Variants in CNTNAP5 observed in about 807,000 individuals in gnomAD.
The protein encoded by CNTNAP5 is contactin-associated protein-like 5.
CNTNAP5 carries 72 observed loss-of-function variants against 150.2 expected under a neutral mutation model. That is an observed-to-expected ratio of 0.48 (90% CI 0.40 to 0.58). CNTNAP5 has a LOEUF of 0.58. Ranked by LOEUF, CNTNAP5 falls within the 20% of genes least tolerant of loss-of-function variation. The pLI, the probability that CNTNAP5 is intolerant of heterozygous loss-of-function variation, is 0.00. For missense variants in CNTNAP5, 1,636 were observed against 1,626.2 expected (o/e 1.01, Z -0.10); for synonymous variants, 672 against 619.8 (o/e 1.08, Z -1.25).
chr2:124,648,472 G>A (rs1165843607), intron 13 of CNTNAP5, among the ~76,000 whole-genome samples: 1 of 152,170 alleles, frequency 6.6e-6, no homozygotes, highest in Non-Finnish European at 1.5e-5. Context: ...TTCATGGCAT[G>A]AACGGAGCCT....
At chr2:124,495,502 C>T (rs1336792051) in intron 7 of CNTNAP5, among the ~76,000 whole-genome samples, 1 of 152,190 alleles carries the variant, frequency 6.6e-6, no homozygotes. Context: ...GGTGCCTGTG[C>T]ATAGGCAGCT....
At chr2:124,837,645 G>A (rs908323906) in intron 19 of CNTNAP5, among the ~76,000 whole-genome samples, 3 of 152,194 alleles carry the variant, frequency 2.0e-5, no homozygotes, top group African/African-American at 7.2e-5. Context: ...TTATCATCGA[G>A]CAAAAGTGAT....
intron 1 of CNTNAP5, among the ~76,000 whole-genome samples, chr2:124,056,588 A>G (rs1346670208): frequency 6.6e-6 from 1 of 152,106 alleles, no homozygotes; most frequent in African/African-American, 2.4e-5. Flanking sequence ...GGAGCTTGCA[A>G]TGAGCCGAGA....
chr2:124,462,350 A>G (rs1001676602), intron 6 of CNTNAP5, among the ~76,000 whole-genome samples: 4 of 152,146 alleles, frequency 2.6e-5, no homozygotes, highest in Non-Finnish European at 5.9e-5. Flanking sequence ...TAAATTTAAG[A>G]TTATTGTGAT....
chr2:124,653,938 A>G (rs998224831), intron 13 of CNTNAP5, among the ~76,000 whole-genome samples: 3 of 115,836 alleles, frequency 2.6e-5, no homozygotes, highest in Non-Finnish European at 5.3e-5. Flanking sequence ...CACACACACA[A>G]TCAGTGCATG....
At chr2:124,175,654 C>A (rs926255043) in intron 1 of CNTNAP5, among the ~76,000 whole-genome samples, 1 of 152,096 alleles carries the variant, frequency 6.6e-6, no homozygotes, top group African/African-American at 2.4e-5. Context: ...CAATGTTTAG[C>A]CCCCACTTAT....
At chr2:124,319,570 C>A (rs1050096478) in intron 3 of CNTNAP5, among the ~76,000 whole-genome samples, 1 of 152,150 alleles carries the variant, frequency 6.6e-6, no homozygotes, top group Non-Finnish European at 1.5e-5. Flanking sequence ...GTCATAGACT[C>A]CTTTTAGAAA....
At chr2:124,507,779 C>T (rs1008044891) in intron 8 of CNTNAP5, among the ~76,000 whole-genome samples, 1 of 152,188 alleles carries the variant, frequency 6.6e-6, no homozygotes, top group Non-Finnish European at 1.5e-5. Flanking sequence ...TCTTTTGGAA[C>T]AGCCCTCTCA....
intron 13 of CNTNAP5, among the ~76,000 whole-genome samples, chr2:124,669,947 C>A (rs1678775672): frequency 6.6e-6 from 1 of 152,138 alleles, no homozygotes; most frequent in Admixed American, 6.5e-5. Context: ...TATAGAGGGA[C>A]AAACTGCTCA....
chr2:124,704,302 G>C (rs538518495), intron 13 of CNTNAP5, among the ~76,000 whole-genome samples: 1 of 152,280 alleles, frequency 6.6e-6, no homozygotes, highest in Non-Finnish European at 1.5e-5. Flanking sequence ...TGGACAAGTA[G>C]ATCAGCCTTG....
intron 21 of CNTNAP5, 67 bp from the exon 22 acceptor site, chr2:124,902,815 G>T: frequency 2.7e-6 from 3 of 1,092,536 alleles, no homozygotes; most frequent in Non-Finnish European, 4.0e-6. Flanking sequence ...TACTCAAAGA[G>T]GACCCAGCAT....
At chr2:124,563,015 T>C (rs1431264679) in intron 10 of CNTNAP5, among the ~76,000 whole-genome samples, 1 of 152,242 alleles carries the variant, frequency 6.6e-6, no homozygotes, top group Non-Finnish European at 1.5e-5. Context: ...CATTGCGCAG[T>C]AATGCAAGGT....
chr2:124,259,814 G>A (rs1336930960), intron 3 of CNTNAP5, among the ~76,000 whole-genome samples: 8 of 152,150 alleles, frequency 5.3e-5, no homozygotes, highest in Admixed American at 1.3e-4. Flanking sequence ...TGCAAGGGAT[G>A]TGAAGGACCT....
chr2:124,655,933 GAGAGAGAGAGAGAGAA>G (rs1375782768), intron 13 of CNTNAP5, among the ~76,000 whole-genome samples: 7 of 62,808 alleles, frequency 1.1e-4, no homozygotes, highest in African/African-American at 3.9e-4. Flanking sequence ...AAGAGAGAGA[GAGAGAGAGAGAGAGAA>G]AGAAAGAAAG....
At chr2:124,264,785 G>T (rs528190731) in intron 3 of CNTNAP5, among the ~76,000 whole-genome samples, 1 of 152,276 alleles carries the variant, frequency 6.6e-6, no homozygotes, top group African/African-American at 2.4e-5. Context: ...AGCAGCTCTG[G>T]TCATTCCTGA....
At chr2:124,242,566 T>C in intron 3 of CNTNAP5, 173 bp downstream of exon 3, 1 of 574,170 alleles carries the variant, frequency 1.7e-6, no homozygotes, top group South Asian at 2.6e-5. Flanking sequence ...TTCTACTTCC[T>C]AGGAAAATTA....
chr2:124,195,561 CTGTAGTT>C (rs1180318800), intron 1 of CNTNAP5, among the ~76,000 whole-genome samples: 4 of 152,144 alleles, frequency 2.6e-5, no homozygotes, highest in African/African-American at 4.8e-5. Context: ...TTGGCCCCTA[CTGTAGTT>C]TGTAGTTTGT....
intron 1 of CNTNAP5, among the ~76,000 whole-genome samples, chr2:124,186,458 T>C (rs1685334304): frequency 6.6e-6 from 1 of 152,234 alleles, no homozygotes; most frequent in African/African-American, 2.4e-5. Flanking sequence ...CAAACACATA[T>C]GCATGTTTGT....
At chr2:124,172,070 T>C (rs1013923019) in intron 1 of CNTNAP5, among the ~76,000 whole-genome samples, 1 of 152,228 alleles carries the variant, frequency 6.6e-6, no homozygotes, top group Admixed American at 6.5e-5. Flanking sequence ...ATAGTTTCCA[T>C]ATCCCTCATG....
Sources: gnomAD v4.1 joint callset for allele counts (sites outside exome capture counted in the v4.1 genomes callset) on GRCh38, gnomAD v4.1.1 for gene constraint, MANE v1.5 for transcripts, NCBI Gene and HGNC (gene_info 2026-07-23, HGNC 2026-07-21) for gene names.